The following TERB1 variants were observed in gnomAD, a reference collection of about 807,000 sequenced individuals.
TERB1 encodes telomere repeat binding bouquet formation protein 1.
TERB1 carries 63 observed loss-of-function variants against 92.3 expected under a neutral mutation model. The ratio of observed to expected loss-of-function variants is 0.68; its 90% CI spans 0.56 to 0.84. TERB1 has a LOEUF of 0.84. Ranked by LOEUF, TERB1 falls within the 40% of genes least tolerant of loss-of-function variation. TERB1 has a pLI of 0.00. For missense variants in TERB1, 709 were observed against 843.7 expected, an observed-to-expected ratio of 0.84 and a Z score of 1.98; for synonymous variants, 252 against 283.9, an observed-to-expected ratio of 0.89 and a Z score of 1.13.
At chr16:66,790,347 A>AAG (rs149008634) in intron 5 of TERB1, among the ~76,000 whole-genome samples, 2 of 145,984 alleles carry the variant, frequency 1.4e-5, no homozygotes, top group Admixed American at 6.8e-5. Flanking sequence ...AAAAGAAAGA[A>AAG]AGAGAGAGAG....
chr16:66,786,710 G>A (rs2018734150), intron 6 of TERB1, among the ~76,000 whole-genome samples: 1 of 152,202 alleles, frequency 6.6e-6, no homozygotes, highest in African/African-American at 2.4e-5. Flanking sequence ...ACCTGAGCCT[G>A]CTCAGACTAC....
chr16:66,775,154 C>T lies in TERB1; in HGVS notation c.1075G>A (p.Ala359Thr), dbSNP rs561830517. 7 of 1,551,590 alleles carry T rather than the reference C, an allele frequency of 4.5e-6. No homozygotes were observed. The East Asian group carries it at 1.5e-4, about 33-fold the overall frequency. The change falls in exon 12 of 19, where the codon GCT (alanine) becomes ACT (threonine). Residue 359 changes from alanine to threonine, a missense_variant. Transcript: ENST00000433154. ...TESQNEELNK[A>T]ATFVLHNCKK... ...CAGTTGTGAAGCACAAATGTGGCAG[C>T]TTTGTTCAGTTCCTCATTCTGCGAT...
chr16:66,777,380 T>C (rs1404627693), intron 10 of TERB1, 46 bp from the exon 11 acceptor site: 1 of 1,216,394 alleles, frequency 8.2e-7, no homozygotes, highest in African/African-American at 1.5e-5. Context: ...ATTTAAAACT[T>C]ATAAATGTAT....
chr16:66,784,666 C>G (rs1292445623), intron 9 of TERB1, among the ~76,000 whole-genome samples: 1 of 151,422 alleles, frequency 6.6e-6, no homozygotes, highest in Admixed American at 6.6e-5. Context: ...GACCTTTCTT[C>G]TTTTCTTATA....
intron 9 of TERB1, among the ~76,000 whole-genome samples, chr16:66,779,907 C>A (rs1370017439): frequency 6.6e-6 from 1 of 152,184 alleles, no homozygotes; most frequent in Non-Finnish European, 1.5e-5. Context: ...AGCAAAGATT[C>A]AATGACCGGT....
intron 11 of TERB1, among the ~76,000 whole-genome samples, chr16:66,775,696 T>C (rs2018536241): frequency 6.8e-6 from 1 of 147,078 alleles, no homozygotes; most frequent in Non-Finnish European, 1.5e-5. Flanking sequence ...GAGAAACACA[T>C]AGTTTCAAAA....
At chr16:66,782,515 C>G (rs893487545) in intron 9 of TERB1, among the ~76,000 whole-genome samples, 1 of 149,350 alleles carries the variant, frequency 6.7e-6, no homozygotes, top group Non-Finnish European at 1.5e-5. Context: ...GTACCATGCA[C>G]GCCAGCCTGG....
In TERB1 at chr16:66,788,044, G is replaced by C. The variant is rs998794639; in HGVS notation, c.400+125C>G. ...CCACTGCACTCCACCTTGGGTGTCA[G>C]AGCAAGACTCTGTCTCCAAAAACAC... On this transcript the variant is annotated intron_variant, in intron 6 of 18. Transcript: ENST00000433154. 8 of 711,820 alleles carry C rather than the reference G, an allele frequency of 1.1e-5. No individual in the cohort carries two copies. The African/African-American group carries it at 1.3e-4, about 12-fold the overall frequency. 44.1% of individuals were successfully genotyped at this position (711,820 alleles called of 1,614,324 possible).
At chr16:66,781,519 CTTT>C (rs34191078) in intron 9 of TERB1, among the ~76,000 whole-genome samples, 2 of 121,154 alleles carry the variant, frequency 1.7e-5, no homozygotes, top group Non-Finnish European at 3.3e-5. Flanking sequence ...GGTACAAATT[CTTT>C]TTTTTTTTTT....
chr16:66,767,616 T>C, intron 15 of TERB1, 106 bp from the exon 16 acceptor site: 1 of 584,832 alleles, frequency 1.7e-6, no homozygotes, highest in East Asian at 3.1e-5. Flanking sequence ...CCTAGTACTA[T>C]GCCTCCAGTC....
At chr16:66,768,297 C>G in intron 14 of TERB1, 129 bp from the exon 15 acceptor site, 1 of 672,820 alleles carries the variant, frequency 1.5e-6, no homozygotes, top group Non-Finnish European at 2.6e-6. Context: ...CACGATCTAC[C>G]ACAATCTACC....
intron 12 of TERB1, 137 bp downstream of exon 12, chr16:66,774,981 G>C: frequency 1.2e-6 from 1 of 851,442 alleles, no homozygotes; most frequent in South Asian, 1.9e-5. Context: ...ACAGGCATGA[G>C]CCACTGTGCA....
intron 6 of TERB1, 46 bp from the exon 7 acceptor site, chr16:66,786,331 G>C: frequency 7.6e-7 from 1 of 1,317,014 alleles, no homozygotes; most frequent in Non-Finnish European, 1.0e-6. Flanking sequence ...TTTACAAATA[G>C]TCTTGCAGAA....
intron 16 of TERB1, among the ~76,000 whole-genome samples, chr16:66,761,758 A>C (rs1406711399): frequency 6.7e-6 from 1 of 150,002 alleles, no homozygotes; most frequent in Non-Finnish European, 1.5e-5. Context: ...ATTACACAGA[A>C]TAAGACCCTG....
Position 66,754,688 on chromosome 16 carries a change from T to C in TERB1, c.*288A>G. The C allele has an allele frequency of 3.0e-6, 1 of 337,178 alleles. No individual in the cohort carries two copies. The highest frequency in any genetic ancestry group is 5.3e-6 in the Non-Finnish European group (1 of 187,394). 20.9% of individuals were successfully genotyped at this position (337,178 alleles called of 1,614,324 possible). A position where few individuals can be genotyped will look rare whatever the true frequency, so the allele number is the denominator to read the frequency against. ...ATAATGTCAAATAACATTTAAAGGC[T>C]AATTCTTTTCTCTGTGTCCTTTAAG... On this transcript the variant is annotated 3_prime_UTR_variant, in exon 19 of 19. Transcript: ENST00000433154.
intron 2 of TERB1, among the ~76,000 whole-genome samples, chr16:66,799,438 C>T (rs1367200955): frequency 1.3e-5 from 2 of 152,018 alleles, no homozygotes; most frequent in South Asian, 2.1e-4. Flanking sequence ...ATGTTGGCCA[C>T]GCTGGTCTCG....
At chr16:66,782,871 T>A (rs772231322) in intron 9 of TERB1, among the ~76,000 whole-genome samples, 4 of 152,198 alleles carry the variant, frequency 2.6e-5, no homozygotes, top group African/African-American at 4.8e-5. Context: ...TCTGTGTGTG[T>A]GTGGCTGGGG....
intron 3 of TERB1, among the ~76,000 whole-genome samples, chr16:66,794,250 C>T (rs1446864699): frequency 6.6e-6 from 1 of 152,062 alleles, no homozygotes; most frequent in Non-Finnish European, 1.5e-5. Context: ...CACGCACATG[C>T]CACCACGCCT....
chr16:66,776,707 T>G, intron 11 of TERB1, among the ~76,000 whole-genome samples: 1 of 147,794 alleles, frequency 6.8e-6, no homozygotes, highest in Non-Finnish European at 1.5e-5. Context: ...GGGAGGAAAG[T>G]AGAGAGGAGG....
Sources: allele counts gnomAD v4.1 joint callset (sites outside exome capture counted in the v4.1 genomes callset), GRCh38; gene constraint gnomAD v4.1.1; transcripts MANE v1.5; gene names NCBI Gene and HGNC (gene_info 2026-07-23, HGNC 2026-07-21).